B3GALT1: variants seen among roughly 807,000 people sequenced by gnomAD.
The protein encoded by B3GALT1 is beta-1,3-galactosyltransferase 1, also known as UDP-Gal:betaGlcNAc beta 1,3-galactosyltransferase, polypeptide 1.
A neutral mutation model predicts 23.2 loss-of-function variants in B3GALT1; 10 were observed. The ratio of observed to expected loss-of-function variants is 0.43; its 90% CI spans 0.27 to 0.73. The LOEUF (loss-of-function observed/expected upper bound fraction) is 0.73, where lower values mean the gene tolerates loss of function less well. Ranked by LOEUF, B3GALT1 falls within the 30% of genes least tolerant of loss-of-function variation. The pLI is 0.21. For synonymous variants in B3GALT1, 156 were observed against 141.5 expected, an observed-to-expected ratio of 1.10 and a Z score of -0.73; for missense variants, 299 against 405.4, an observed-to-expected ratio of 0.74 and a Z score of 2.25.
At position 167,857,065 on chromosome 2, in the gene B3GALT1, A is replaced by G. The variant is rs542558544; in HGVS notation, c.-229-11746A>G. Among the ~76,000 whole-genome samples, 21 of 152,272 alleles carry G rather than the reference A, an allele frequency of 1.4e-4. No individual in the cohort carries two copies. In the South Asian group the frequency reaches 2.7e-3, roughly 20 times the overall value. On this transcript the variant is annotated intron_variant, in intron 4 of 4. Transcript: ENST00000392690. ...GGGAAAACATTTCCAAAGAGTTTTT[A>G]TGGTTTTATAACAGAGCTACCACCA...
chr2:167,433,063 A>G (rs1318389352), intron 1 of B3GALT1, among the ~76,000 whole-genome samples: 1 of 152,142 alleles, frequency 6.6e-6, no homozygotes, highest in Non-Finnish European at 1.5e-5. Flanking sequence ...TGCCCTCAAA[A>G]TACCTCTGCG....
In B3GALT1 at chr2:167,408,156, AT is replaced by A. The variant is rs1199938577; in HGVS notation, c.-510-82019del. Among the ~76,000 whole-genome samples, 6 of 152,196 alleles carry A rather than the reference AT, an allele frequency of 3.9e-5. No homozygotes were observed. In the East Asian group the frequency reaches 1.2e-3, roughly 29 times the overall value. ...AATGCTAGCAAACTAAACTCAACAC[AT>A]TAGAAAGATTATTCATCATAACAAA... is the stretch of plus-strand genomic sequence containing the variant. On this transcript the variant is annotated intron_variant, in intron 1 of 4. Transcript: ENST00000392690.
chr2:167,745,790 G>T (rs1687643302), intron 3 of B3GALT1, among the ~76,000 whole-genome samples: 1 of 151,936 alleles, frequency 6.6e-6, no homozygotes, highest in African/African-American at 2.4e-5. Flanking sequence ...GTATAGTGTG[G>T]TTCCATTATC....
At chr2:167,777,415 C>T (rs1221617128) in intron 3 of B3GALT1, among the ~76,000 whole-genome samples, 5 of 152,140 alleles carry the variant, frequency 3.3e-5, no homozygotes, top group African/African-American at 7.2e-5. Flanking sequence ...GGCACGATCT[C>T]GGCTCACTGC....
chr2:167,299,826 A>G (rs1202060040), intron 1 of B3GALT1, among the ~76,000 whole-genome samples: 1 of 151,030 alleles, frequency 6.6e-6, no homozygotes, highest in Non-Finnish European at 1.5e-5. Flanking sequence ...CTCCATATAT[A>G]TGTATTATTT....
In B3GALT1 at chr2:167,298,295, A is replaced by G. The variant is rs79751627; in HGVS notation, c.-511+4961A>G. ...TTGAGGTAGAAGATCTAGAAACACT[A>G]TTTGTTAACGATGAAGTATATAAGT... On this transcript the variant is annotated intron_variant, in intron 1 of 4. Coordinates refer to ENST00000392690, the MANE Select transcript of B3GALT1 (RefSeq NM_020981.4). Among the ~76,000 whole-genome samples, 500 of 152,264 alleles carry G rather than the reference A, an allele frequency of 3.3e-3. 23 individuals carry two copies. In the East Asian group the frequency reaches 0.068, roughly 21 times the overall value.
chr2:167,339,829 A>T (rs1697119434), intron 1 of B3GALT1, among the ~76,000 whole-genome samples: 1 of 152,168 alleles, frequency 6.6e-6, no homozygotes, highest in Non-Finnish European at 1.5e-5. Context: ...TGAGCTGAGA[A>T]TCTGCAGTGT....
chr2:167,622,959 A>G (rs192811438), intron 2 of B3GALT1, among the ~76,000 whole-genome samples: 126 of 152,190 alleles, frequency 8.3e-4, no homozygotes, highest in African/African-American at 2.9e-3. Context: ...AGATTATAAA[A>G]TCTTTTGATT....
chr2:167,827,501 C>T (rs1189026772), intron 4 of B3GALT1, among the ~76,000 whole-genome samples: 1 of 152,192 alleles, frequency 6.6e-6, no homozygotes, highest in Non-Finnish European at 1.5e-5. Context: ...GAATGGGCAA[C>T]ATGAAGCCAA....
At chr2:167,347,335 A>G (rs1339919017) in intron 1 of B3GALT1, among the ~76,000 whole-genome samples, 1 of 152,192 alleles carries the variant, frequency 6.6e-6, no homozygotes. Context: ...ATGCTTAGAA[A>G]GAGTGAGCTT....
chr2:167,478,371 C>T (rs1377170213), intron 1 of B3GALT1, among the ~76,000 whole-genome samples: 1 of 152,054 alleles, frequency 6.6e-6, no homozygotes, highest in Non-Finnish European at 1.5e-5. Flanking sequence ...AGAAAGAACT[C>T]CTTGTTTGCT....
intron 1 of B3GALT1, among the ~76,000 whole-genome samples, chr2:167,326,899 A>G (rs1696905171): frequency 6.6e-6 from 1 of 152,058 alleles, no homozygotes; most frequent in Admixed American, 6.5e-5. Context: ...CACGTTGGCC[A>G]GGCTGGTCTC....
intron 2 of B3GALT1, among the ~76,000 whole-genome samples, chr2:167,512,181 A>G (rs1370561036): frequency 1.3e-5 from 2 of 152,048 alleles, no homozygotes; most frequent in African/African-American, 2.4e-5. Context: ...CTCATTTCCA[A>G]CATTAGCTGA....
At chr2:167,459,861 A>G (rs1019500554) in intron 1 of B3GALT1, among the ~76,000 whole-genome samples, 3 of 152,246 alleles carry the variant, frequency 2.0e-5, no homozygotes, top group South Asian at 4.2e-4. Context: ...TTTTGCTGAT[A>G]TAGGATTCTT....
intron 2 of B3GALT1, among the ~76,000 whole-genome samples, chr2:167,590,721 C>G (rs1293173677): frequency 3.3e-5 from 5 of 152,098 alleles, no homozygotes; most frequent in African/African-American, 1.2e-4. Context: ...CCATGTTTCC[C>G]AAATGACTCT....
intron 2 of B3GALT1, among the ~76,000 whole-genome samples, chr2:167,529,119 T>G (rs886813180): frequency 4.6e-5 from 7 of 152,134 alleles, no homozygotes; most frequent in Non-Finnish European, 8.8e-5. Context: ...GTCAAAAAAT[T>G]TGACACTTTG....
chr2:167,791,827 AT>A (rs1688442033), intron 3 of B3GALT1, among the ~76,000 whole-genome samples: 1 of 151,800 alleles, frequency 6.6e-6, no homozygotes, highest in Admixed American at 6.6e-5. Flanking sequence ...TAGATCTTGT[AT>A]TTTATTTATA....
intron 3 of B3GALT1, among the ~76,000 whole-genome samples, chr2:167,682,388 T>C (rs542764986): frequency 1.3e-5 from 2 of 152,366 alleles, no homozygotes; most frequent in South Asian, 4.1e-4. Context: ...TAATTTCTGC[T>C]GCCATGTTAT....
intron 2 of B3GALT1, among the ~76,000 whole-genome samples, chr2:167,518,329 CATTTT>C (rs1700134575): frequency 6.6e-6 from 1 of 152,070 alleles, no homozygotes; most frequent in Non-Finnish European, 1.5e-5. Flanking sequence ...TCAAACTACT[CATTTT>C]ATTCTTTCTG....
Sources: allele counts gnomAD v4.1 joint callset (sites outside exome capture counted in the v4.1 genomes callset), GRCh38; gene constraint gnomAD v4.1.1; transcripts MANE v1.5; gene names NCBI Gene and HGNC (gene_info 2026-07-23, HGNC 2026-07-21).